PRDM11: variants seen among roughly 807,000 people sequenced by gnomAD.
The protein encoded by PRDM11 is PR/SET domain 11.
Under a neutral mutation model 97.8 loss-of-function variants are expected in PRDM11, and 20 were observed. The ratio of observed to expected loss-of-function variants is 0.20; its 90% CI spans 0.14 to 0.30. PRDM11 has a LOEUF of 0.30. Among genes scored for constraint, PRDM11 ranks in the 10% least tolerant of loss-of-function variants. The pLI, the probability that PRDM11 is intolerant of heterozygous loss-of-function variation, is 1.00. For missense variants in PRDM11, 1,139 were observed against 1,555.2 expected, an observed-to-expected ratio of 0.73 and a Z score of 4.50; for synonymous variants, 599 against 637.7, an observed-to-expected ratio of 0.94 and a Z score of 0.91.
At chr11:45,157,446 C>T (rs1851826821) in intron 1 of PRDM11, among the ~76,000 whole-genome samples, 1 of 152,126 alleles carries the variant, frequency 6.6e-6, no homozygotes, top group Admixed American at 6.5e-5. Context: ...CTTGCTAGCT[C>T]GCCTGCCACT....
chr11:45,190,754 A>G (rs1223593683), intron 4 of PRDM11, among the ~76,000 whole-genome samples: 1 of 152,204 alleles, frequency 6.6e-6, no homozygotes. Context: ...TTTGAATTGC[A>G]TATTATTTCA....
At chr11:45,161,883 C>T (rs963833042) in intron 1 of PRDM11, among the ~76,000 whole-genome samples, 9 of 152,232 alleles carry the variant, frequency 5.9e-5, no homozygotes, top group African/African-American at 2.2e-4. Flanking sequence ...GACACTGAGG[C>T]TCCAGGAGGT....
intron 1 of PRDM11, among the ~76,000 whole-genome samples, chr11:45,176,203 G>A (rs1242253607): frequency 3.3e-5 from 5 of 151,978 alleles, no homozygotes; most frequent in Admixed American, 3.3e-4. Flanking sequence ...GTGAAACCCT[G>A]TCTCTACTAA....
At chr11:45,168,880 G>A (rs921115040) in intron 1 of PRDM11, among the ~76,000 whole-genome samples, 1 of 152,206 alleles carries the variant, frequency 6.6e-6, no homozygotes, top group Non-Finnish European at 1.5e-5. Context: ...CCCAGAGACT[G>A]CACTCCTGGC....
intron 1 of PRDM11, among the ~76,000 whole-genome samples, chr11:45,125,317 G>T (rs1590357250): frequency 6.6e-6 from 1 of 151,978 alleles, no homozygotes; most frequent in Admixed American, 6.6e-5. Flanking sequence ...TTTTTTGAAG[G>T]GTTTTTTGTG....
chr11:45,180,489 C>T (rs1479030325), intron 1 of PRDM11, among the ~76,000 whole-genome samples: 1 of 151,826 alleles, frequency 6.6e-6, no homozygotes, highest in Admixed American at 6.6e-5. Flanking sequence ...CCGTGGGAGG[C>T]CCTGGAATGC....
At chr11:45,113,839 T>G (rs1238565487) in intron 1 of PRDM11, among the ~76,000 whole-genome samples, 3 of 150,658 alleles carry the variant, frequency 2.0e-5, no homozygotes, top group African/African-American at 7.3e-5. Flanking sequence ...GTTTTTTTTT[T>G]TTTTTACAAA....
rs956096427 is a variant in PRDM11 at position 45,234,812 on chromosome 11, C to G, written c.*6653C>G. On this transcript the variant is annotated 3_prime_UTR_variant, in exon 8 of 8. Coordinates refer to ENST00000683152, the MANE Select transcript of PRDM11 (RefSeq NM_001384648.1). ...TCAGCCCCCGTCTCTCTCTTCTCCA[C>G]CCCCACGCTGCTGAACCATTTTCAT... is the stretch of plus-strand genomic sequence containing the variant. The G allele has an allele frequency of 6.6e-6, 1 of 152,312 alleles. No homozygotes were observed. Among genetic ancestry groups the G allele is most frequent in the Admixed American group, 6.5e-5 (1 of 15,274 alleles). 9.4% of individuals were successfully genotyped at this position (152,312 alleles called of 1,614,324 possible).
intron 1 of PRDM11, among the ~76,000 whole-genome samples, chr11:45,155,830 G>C (rs1042986694): frequency 3.3e-5 from 5 of 151,990 alleles, no homozygotes; most frequent in African/African-American, 1.2e-4. Context: ...AGAGTGTCTG[G>C]CTGCCAGACC....
At chr11:45,159,619 G>A (rs892125701) in intron 1 of PRDM11, among the ~76,000 whole-genome samples, 1 of 152,200 alleles carries the variant, frequency 6.6e-6, no homozygotes, top group African/African-American at 2.4e-5. Context: ...GGAGGTAATG[G>A]CCTCCTTGGC....
At chr11:45,155,212 C>G (rs1021315041) in intron 1 of PRDM11, among the ~76,000 whole-genome samples, 2 of 152,236 alleles carry the variant, frequency 1.3e-5, no homozygotes, top group African/African-American at 4.8e-5. Context: ...GCTTCTCCCA[C>G]TATCTCTCAC....
chr11:45,139,594 GT>G, intron 1 of PRDM11, among the ~76,000 whole-genome samples: 1 of 132,862 alleles, frequency 7.5e-6, no homozygotes, highest in African/African-American at 2.9e-5. Flanking sequence ...AAAAAAAAAT[GT>G]TTTTAGGATG....
At chr11:45,207,714 G>A (rs1173594006) in intron 5 of PRDM11, among the ~76,000 whole-genome samples, 1 of 152,188 alleles carries the variant, frequency 6.6e-6, no homozygotes, top group Non-Finnish European at 1.5e-5. Flanking sequence ...TCTAGTTCCA[G>A]GTCTAGTCCC....
Position 45,227,674 on chromosome 11 carries a change from G to C in PRDM11, c.3049G>C (p.Glu1017Gln). Reference sequence around the variant, plus strand: ...TATGGTGCAAATATTTGATCACCTGGAGGCCATCCCGACCTTTTCCCGGGA... The same window carrying C: ...TATGGTGCAAATATTTGATCACCTGCAGGCCATCCCGACCTTTTCCCGGGA... ...EDMVQIFDHL[E>Q]AIPTFSRDVC... Residue 1017 changes from glutamate (E) to glutamine (Q), a missense_variant, in exon 8 of 8, where the codon GAG becomes CAG. Physicochemically the swap from Glu to Gln is conservative, Grantham distance 29. Coordinates refer to ENST00000683152, the MANE Select transcript of PRDM11 (RefSeq NM_001384648.1). This position sits in a 1 kb window ranked among gnomAD's most constrained non-coding sequence, Gnocchi z 8.0. The C allele has an allele frequency of 6.5e-7, 1 of 1,533,960 alleles. No individual in the cohort carries two copies. Among genetic ancestry groups the C allele is most frequent in the Non-Finnish European group, 8.7e-7 (1 of 1,146,732 alleles).
chr11:45,173,587 A>G (rs1386016832), intron 1 of PRDM11, among the ~76,000 whole-genome samples: 1 of 150,834 alleles, frequency 6.6e-6, no homozygotes, highest in Non-Finnish European at 1.5e-5. Context: ...ACGCCACTGC[A>G]TTCCAGCCTG....
At chr11:45,211,803 G>T (rs1266904444) in intron 5 of PRDM11, among the ~76,000 whole-genome samples, 1 of 151,824 alleles carries the variant, frequency 6.6e-6, no homozygotes, top group Non-Finnish European at 1.5e-5. Flanking sequence ...TACTGCTTGG[G>T]TCATGGGTGC....
intron 1 of PRDM11, among the ~76,000 whole-genome samples, chr11:45,100,208 T>A (rs764221283): frequency 2.6e-5 from 4 of 152,160 alleles, no homozygotes; most frequent in Non-Finnish European, 5.9e-5. Context: ...AAAGTTTGAG[T>A]AATTAAGAGC....
chr11:45,173,684 G>A (rs185994230), intron 1 of PRDM11, among the ~76,000 whole-genome samples: 1 of 150,614 alleles, frequency 6.6e-6, no homozygotes, highest in African/African-American at 2.4e-5. Context: ...TGTTCCACCA[G>A]CCCTGGCCAG....
In PRDM11 at chr11:45,228,159, G is replaced by C; in HGVS notation, c.3534G>C (p.Ter1178TyrextTer22). ...DHGTEFYPDI* is the reference protein window; with the variant it reads ...DHGTEFYPDIY ...GGACGGAGTTTTACCCCGACATTTA[G>C]GGAGCTGGCGCTGCAGAGTTCACTA... The change falls in exon 8 of 8, where the codon TAG becomes TAC. Residue 1178 changes from the stop codon to tyrosine, a stop_lost. Transcript: ENST00000683152. The C allele has an allele frequency of 6.6e-7, 1 of 1,517,788 alleles. No homozygotes were observed. Among genetic ancestry groups the C allele is most frequent in the Non-Finnish European group, 8.8e-7 (1 of 1,136,280 alleles). 94.0% of individuals were successfully genotyped at this position (1,517,788 alleles called of 1,614,324 possible).
Sources: gnomAD v4.1 joint callset for allele counts (sites outside exome capture counted in the v4.1 genomes callset) on GRCh38, gnomAD v4.1.1 for gene constraint, Gnocchi (gnomAD v3.1) non-coding constraint, MANE v1.5 for transcripts, NCBI Gene and HGNC (gene_info 2026-07-23, HGNC 2026-07-21) for gene names.